The following CLSTN2 variants were observed in gnomAD, a reference collection of about 807,000 sequenced individuals.
CLSTN2 encodes the protein calsyntenin-2.
Under a neutral mutation model 101.2 loss-of-function variants are expected in CLSTN2, and 48 were observed. The ratio of observed to expected loss-of-function variants is 0.47; its 90% CI spans 0.38 to 0.60. CLSTN2 has a LOEUF of 0.60. Among genes scored for constraint, CLSTN2 ranks in the 20% least tolerant of loss-of-function variants. CLSTN2 has a pLI of 0.00. For missense variants in CLSTN2, 1,160 were observed against 1,238.2 expected (o/e 0.94, Z 0.95); for synonymous variants, 481 against 463.6 (o/e 1.04, Z -0.48).
At chr3:140,394,989 G>C (rs7617740) in intron 2 of CLSTN2, among the ~76,000 whole-genome samples, 99,961 of 151,940 alleles carry the variant, frequency 0.66, 33,272 homozygotes, top group South Asian at 0.73. Context: ...AGCTGAGTCA[G>C]AGGGACCTCT....
chr3:140,233,832 C>T (rs1335620961), intron 2 of CLSTN2, among the ~76,000 whole-genome samples: 1 of 152,190 alleles, frequency 6.6e-6, no homozygotes, highest in Non-Finnish European at 1.5e-5. Flanking sequence ...ACAGCTGGTG[C>T]TCTAGAATGG....
chr3:140,504,632 C>T (rs1414675538), intron 8 of CLSTN2, among the ~76,000 whole-genome samples: 1 of 152,186 alleles, frequency 6.6e-6, no homozygotes, highest in African/African-American at 2.4e-5. Flanking sequence ...TCTCAGTAAA[C>T]AAGGGAGGCC....
At chr3:140,544,460 C>T (rs1418270744) in intron 9 of CLSTN2, among the ~76,000 whole-genome samples, 1 of 152,196 alleles carries the variant, frequency 6.6e-6, no homozygotes, top group African/African-American at 2.4e-5. Context: ...ACCTTGACTT[C>T]ACATTCGATT....
chr3:140,038,867 G>T (rs551810889), intron 1 of CLSTN2, among the ~76,000 whole-genome samples: 2 of 152,228 alleles, frequency 1.3e-5, no homozygotes, highest in African/African-American at 4.8e-5. Flanking sequence ...AAATTGTCTT[G>T]TTATTAGTTA....
chr3:140,158,501 G>T (rs1420591423), intron 1 of CLSTN2, among the ~76,000 whole-genome samples: 1 of 152,068 alleles, frequency 6.6e-6, no homozygotes, highest in Non-Finnish European at 1.5e-5. Context: ...GGAGATGAAA[G>T]ATCTCTAGAA....
chr3:140,442,407 G>A (rs1262069316), intron 5 of CLSTN2, among the ~76,000 whole-genome samples: 1 of 152,124 alleles, frequency 6.6e-6, no homozygotes, highest in Non-Finnish European at 1.5e-5. Flanking sequence ...TCCCATGGAA[G>A]CCACAGTAAA....
intron 2 of CLSTN2, among the ~76,000 whole-genome samples, chr3:140,319,533 T>C (rs1004388546): frequency 5.9e-5 from 9 of 152,218 alleles, no homozygotes; most frequent in African/African-American, 2.2e-4. Flanking sequence ...ACCAATTTGC[T>C]TCTTAAGTAA....
At chr3:140,518,739 T>C (rs7625835) in intron 8 of CLSTN2, among the ~76,000 whole-genome samples, 5,061 of 152,246 alleles carry the variant, frequency 0.033, 270 homozygotes, top group African/African-American at 0.11. Flanking sequence ...TATGTTCCTG[T>C]GGGTAGTTCT....
chr3:140,058,411 G>A (rs754584759), intron 1 of CLSTN2, among the ~76,000 whole-genome samples: 7 of 152,172 alleles, frequency 4.6e-5, no homozygotes, highest in Non-Finnish European at 7.4e-5. Context: ...CATGGCATGA[G>A]ATGTTGAAAG....
In CLSTN2 at chr3:140,563,083, A is replaced by C. The variant is rs1188348761; in HGVS notation, c.2362A>C (p.Ser788Arg). ...YTSNEFNLEV[S>R]ILHEDQVSDK... ...CACCTCTCCCCACTCTTCCCAGGTC[A>C]GCATCCTTCATGAAGACCAAGTCTC... is the stretch of plus-strand genomic sequence containing the variant. Residue 788 changes from serine to arginine, a missense_variant, in exon 15 of 17, where the codon AGC becomes CGC. Coordinates refer to ENST00000458420, the MANE Select transcript of CLSTN2 (RefSeq NM_022131.3). The C allele has an allele frequency of 6.2e-7, 1 of 1,613,994 alleles. No homozygotes were observed.
At chr3:140,059,597 T>C (rs1210234602) in intron 1 of CLSTN2, among the ~76,000 whole-genome samples, 1 of 152,144 alleles carries the variant, frequency 6.6e-6, no homozygotes, top group African/African-American at 2.4e-5. Flanking sequence ...GTCCTCTTGG[T>C]GGCCCCCTCT....
chr3:140,368,495 G>A (rs2087817876), intron 2 of CLSTN2, among the ~76,000 whole-genome samples: 1 of 152,138 alleles, frequency 6.6e-6, no homozygotes, highest in Admixed American at 6.5e-5. Flanking sequence ...CTGGCTTCGG[G>A]TCTCTGAAAC....
intron 1 of CLSTN2, among the ~76,000 whole-genome samples, chr3:140,018,362 T>C (rs898097411): frequency 1.3e-5 from 2 of 152,206 alleles, no homozygotes; most frequent in Non-Finnish European, 2.9e-5. Flanking sequence ...ATTATAGCAG[T>C]CTCTGCTGGT....
At chr3:140,264,040 G>A (rs907829409) in intron 2 of CLSTN2, among the ~76,000 whole-genome samples, 6 of 151,756 alleles carry the variant, frequency 4.0e-5, no homozygotes, top group Non-Finnish European at 7.4e-5. Flanking sequence ...GTAGGCATGT[G>A]CAGAGTGGTG....
chr3:140,307,354 T>G (rs1239059069), intron 2 of CLSTN2, among the ~76,000 whole-genome samples: 1 of 152,190 alleles, frequency 6.6e-6, no homozygotes, highest in Admixed American at 6.5e-5. Flanking sequence ...CTGCTCTCCT[T>G]GCCCTTCCTC....
intron 1 of CLSTN2, among the ~76,000 whole-genome samples, chr3:140,020,181 G>A (rs1223854685): frequency 6.6e-6 from 1 of 152,196 alleles, no homozygotes; most frequent in African/African-American, 2.4e-5. Flanking sequence ...CCAGGAGCCT[G>A]CAGACACAAA....
intron 8 of CLSTN2, among the ~76,000 whole-genome samples, chr3:140,475,930 A>G (rs2107748849): frequency 6.6e-6 from 1 of 152,378 alleles, no homozygotes; most frequent in East Asian, 1.9e-4. Flanking sequence ...ACGTCAACAC[A>G]ATTATAAATG....
At chr3:140,108,126 T>G (rs140707365) in intron 1 of CLSTN2, among the ~76,000 whole-genome samples, 10 of 152,292 alleles carry the variant, frequency 6.6e-5, no homozygotes, top group African/African-American at 1.9e-4. Flanking sequence ...TCAGACAGCA[T>G]CTTCTGAAAT....
At chr3:140,223,822 G>C (rs1281924290) in intron 2 of CLSTN2, among the ~76,000 whole-genome samples, 1 of 152,196 alleles carries the variant, frequency 6.6e-6, no homozygotes, top group African/African-American at 2.4e-5. Flanking sequence ...AAATGCTACA[G>C]TGCTCAGTGT....
Sources: gnomAD v4.1 joint callset for allele counts (sites outside exome capture counted in the v4.1 genomes callset) on GRCh38, gnomAD v4.1.1 for gene constraint, MANE v1.5 for transcripts, NCBI Gene and HGNC (gene_info 2026-07-23, HGNC 2026-07-21) for gene names.